The following PDE3A variants were observed in gnomAD, a reference collection of about 807,000 sequenced individuals.
The protein encoded by PDE3A is cGMP-inhibited 3',5'-cyclic phosphodiesterase 3A.
In PDE3A, 43 loss-of-function variants were observed where a neutral mutation model predicts 98.3. The observed-to-expected ratio is 0.44, with a 90% CI of 0.34 to 0.56. The LOEUF (loss-of-function observed/expected upper bound fraction) is 0.56, where lower values mean the gene tolerates loss of function less well. PDE3A is among the 20% of genes least tolerant of loss of function. PDE3A has a pLI of 0.01. For synonymous variants in PDE3A, 663 were observed against 567.9 expected (o/e 1.17, Z -2.38); for missense variants, 1,427 against 1,440.7 (o/e 0.99, Z 0.15).
chr12:20,674,866 C>A (rs1344442932), intron 15 of PDE3A, among the ~76,000 whole-genome samples: 1 of 151,706 alleles, frequency 6.6e-6, no homozygotes, highest in African/African-American at 2.4e-5. Context: ...GTGGCTTATT[C>A]ATTTTGTTTA....
intron 15 of PDE3A, 63 bp from the exon 16 acceptor site, chr12:20,679,967 G>C (rs547870789): frequency 8.7e-7 from 1 of 1,151,436 alleles, no homozygotes; most frequent in East Asian, 2.7e-5. Flanking sequence ...AAGAGATAAC[G>C]TTCATGTGCT....
chr12:20,606,114 AAATT>A (rs1209044322), intron 2 of PDE3A, among the ~76,000 whole-genome samples: 1 of 152,216 alleles, frequency 6.6e-6, no homozygotes, highest in Non-Finnish European at 1.5e-5. Context: ...TTTAAAGAAT[AAATT>A]TATGTTGACC....
At chr12:20,382,276 A>C (rs983155727) in intron 1 of PDE3A, among the ~76,000 whole-genome samples, 1 of 151,946 alleles carries the variant, frequency 6.6e-6, no homozygotes, top group Non-Finnish European at 1.5e-5. Context: ...ACTTGTGTCT[A>C]CTGAAACTGT....
intron 1 of PDE3A, among the ~76,000 whole-genome samples, chr12:20,438,408 G>T (rs1001758698): frequency 1.4e-4 from 22 of 152,044 alleles, no homozygotes; most frequent in African/African-American, 5.3e-4. Context: ...GCATTCCAAG[G>T]TTATGCGAAT....
At chr12:20,563,747 C>T (rs1368433879) in intron 2 of PDE3A, among the ~76,000 whole-genome samples, 1 of 152,046 alleles carries the variant, frequency 6.6e-6, no homozygotes, top group Non-Finnish European at 1.5e-5. Flanking sequence ...TTGCCTAGGG[C>T]CTCACTTAGT....
chr12:20,401,434 TAACATTCAGTCATTTTAA>T (rs148606561), intron 1 of PDE3A, among the ~76,000 whole-genome samples: 3,952 of 152,276 alleles, frequency 0.026, 82 homozygotes, highest in Admixed American at 0.059. Context: ...CTACCCTTCT[TAACATTCAGTCATTTTAA>T]ACTGCTACTG....
At chr12:20,400,378 GGTTTTTTT>G (rs1944100472) in intron 1 of PDE3A, among the ~76,000 whole-genome samples, 1 of 106,112 alleles carries the variant, frequency 9.4e-6, no homozygotes, top group African/African-American at 4.2e-5. Flanking sequence ...CGTTAACATT[GGTTTTTTT>G]TTTTTTTTTT....
At chr12:20,596,511 C>G (rs956463522) in intron 2 of PDE3A, among the ~76,000 whole-genome samples, 1 of 152,112 alleles carries the variant, frequency 6.6e-6, no homozygotes, top group Non-Finnish European at 1.5e-5. Context: ...GACTTGTAGA[C>G]AGATACATCA....
intron 1 of PDE3A, among the ~76,000 whole-genome samples, chr12:20,522,550 T>A (rs1049263746): frequency 1.3e-5 from 2 of 151,940 alleles, no homozygotes; most frequent in African/African-American, 2.4e-5. Context: ...GCTTTTGGGG[T>A]GTTGTCTTTG....
Position 20,552,898 on chromosome 12 carries a change from T to A in PDE3A, c.961-3762T>A, listed in dbSNP as rs1942254497. The A allele has an allele frequency of 6.2e-7, 1 of 1,609,614 alleles. No homozygotes were observed. Among genetic ancestry groups the A allele is most frequent in the African/African-American group, 1.3e-5 (1 of 74,816 alleles). Reference sequence around the variant, plus strand: ...GGACAGATCCTTTCGGGCACAGGTGTTCAGCTGCCCTGCCTGCCGCTACGA... The same window carrying A: ...GGACAGATCCTTTCGGGCACAGGTGATCAGCTGCCCTGCCTGCCGCTACGA... On this transcript the variant is annotated intron_variant, in intron 1 of 15. Coordinates refer to ENST00000359062, the MANE Select transcript of PDE3A (RefSeq NM_000921.5). This position sits in a 1 kb window ranked among gnomAD's most constrained non-coding sequence, Gnocchi z 5.1.
chr12:20,552,600 C>G lies in PDE3A; in HGVS notation c.961-4060C>G. 1.2e-6 allele frequency: 2 copies of G among 1,613,768 alleles called. No homozygotes were observed. Among genetic ancestry groups the G allele is most frequent in the Admixed American group, 1.7e-5 (1 of 59,988 alleles). On this transcript the variant is annotated intron_variant, in intron 1 of 15. Transcript: ENST00000359062. This position sits in a 1 kb window ranked among gnomAD's most constrained non-coding sequence, Gnocchi z 5.1. ...GGAAGTCGGCAGGAGGTGGCCCGAG[C>G]AGGGCCGGGTCCCCGCGCCGGACAT... is the stretch of plus-strand genomic sequence containing the variant.
chr12:20,399,314 A>G (rs923318861), intron 1 of PDE3A, among the ~76,000 whole-genome samples: 1 of 152,126 alleles, frequency 6.6e-6, no homozygotes, highest in Non-Finnish European at 1.5e-5. Flanking sequence ...TATATTGTTT[A>G]AAAGTGGCAA....
chr12:20,665,113 C>A (rs1415663468), intron 15 of PDE3A, among the ~76,000 whole-genome samples: 1 of 152,182 alleles, frequency 6.6e-6, no homozygotes, highest in Non-Finnish European at 1.5e-5. Flanking sequence ...TCCCTTTCTG[C>A]TGACTTTCAA....
intron 1 of PDE3A, among the ~76,000 whole-genome samples, chr12:20,434,435 G>A (rs1201376992): frequency 6.6e-6 from 1 of 152,092 alleles, no homozygotes; most frequent in Non-Finnish European, 1.5e-5. Flanking sequence ...AGCCAGGGAG[G>A]CTGTTTAGAA....
chr12:20,649,502 T>C (rs778344923), intron 13 of PDE3A, among the ~76,000 whole-genome samples: 2 of 152,218 alleles, frequency 1.3e-5, no homozygotes, highest in South Asian at 2.1e-4. Flanking sequence ...CTCTACGGTA[T>C]ATTTGTATAA....
chr12:20,414,800 A>AT (rs1332521453), intron 1 of PDE3A, among the ~76,000 whole-genome samples: 2 of 151,938 alleles, frequency 1.3e-5, no homozygotes, highest in African/African-American at 2.4e-5. Context: ...AATTATTGTT[A>AT]TTTTTTTCTT....
intron 1 of PDE3A, among the ~76,000 whole-genome samples, chr12:20,542,621 T>C (rs1462115025): frequency 1.3e-5 from 2 of 152,068 alleles, no homozygotes; most frequent in Non-Finnish European, 2.9e-5. Context: ...TACATCACAA[T>C]GTTTGATAAA....
chr12:20,635,175 T>A, intron 8 of PDE3A, 119 bp downstream of exon 8: 1 of 855,762 alleles, frequency 1.2e-6, no homozygotes, highest in Non-Finnish European at 1.8e-6. Flanking sequence ...AATCCCAACA[T>A]TTTGGGAGGA....
intron 1 of PDE3A, among the ~76,000 whole-genome samples, chr12:20,375,772 A>G (rs1943559840): frequency 6.6e-6 from 1 of 151,974 alleles, no homozygotes; most frequent in Non-Finnish European, 1.5e-5. Flanking sequence ...AAGTGAACAT[A>G]AGAAAAAGGG....
Sources: gnomAD v4.1 joint callset for allele counts (sites outside exome capture counted in the v4.1 genomes callset) on GRCh38, gnomAD v4.1.1 for gene constraint, Gnocchi (gnomAD v3.1) non-coding constraint, MANE v1.5 for transcripts, NCBI Gene and HGNC (gene_info 2026-07-23, HGNC 2026-07-21) for gene names.